ACYP2: variants seen among roughly 807,000 people sequenced by gnomAD.
The protein encoded by ACYP2 is acylphosphatase 2.
ACYP2 carries 12 observed loss-of-function variants against 11.2 expected under a neutral mutation model. The observed-to-expected ratio is 1.08, with a 90% CI of 0.69 to 1.74. The LOEUF (loss-of-function observed/expected upper bound fraction) is 1.74, where lower values mean the gene tolerates loss of function less well. Ranked by LOEUF, ACYP2 falls within the 40% of genes most tolerant of loss-of-function variation. The pLI, the probability that ACYP2 is intolerant of heterozygous loss-of-function variation, is 0.00. For synonymous variants in ACYP2, 43 were observed against 32.2 expected (o/e 1.33, Z -1.13); for missense variants, 134 against 101.9 (o/e 1.31, Z -1.35).
chr2:54,212,342 T>C (rs1685361538), intron 6 of ACYP2, among the ~76,000 whole-genome samples: 1 of 152,222 alleles, frequency 6.6e-6, no homozygotes, highest in African/African-American at 2.4e-5. Flanking sequence ...ATAGATTACA[T>C]ATCAAATTGC....
At chr2:54,250,331 G>A (rs534926569) in intron 6 of ACYP2, among the ~76,000 whole-genome samples, 16 of 152,246 alleles carry the variant, frequency 1.1e-4, no homozygotes, top group African/African-American at 3.9e-4. Flanking sequence ...ACTTTAGCTC[G>A]GCGTGGTGGC....
intron 6 of ACYP2, among the ~76,000 whole-genome samples, chr2:54,296,849 A>G (rs1190961671): frequency 2.6e-5 from 4 of 152,140 alleles, no homozygotes; most frequent in Non-Finnish European, 5.9e-5. Flanking sequence ...TACTAGATGA[A>G]CCTTCTTTTT....
chr2:54,047,514 C>A (rs1439056190), intron 2 of ACYP2, among the ~76,000 whole-genome samples: 1 of 152,150 alleles, frequency 6.6e-6, no homozygotes, highest in African/African-American at 2.4e-5. Flanking sequence ...AAAAATATCA[C>A]CAGACCCATT....
chr2:54,233,968 C>T (rs1282090502), intron 6 of ACYP2, among the ~76,000 whole-genome samples: 1 of 152,196 alleles, frequency 6.6e-6, no homozygotes, highest in Non-Finnish European at 1.5e-5. Flanking sequence ...TTAACCATGT[C>T]AGTGCAGTCT....
intron 4 of ACYP2, among the ~76,000 whole-genome samples, chr2:54,067,233 A>G (rs955824455): frequency 6.6e-6 from 1 of 152,222 alleles, no homozygotes; most frequent in East Asian, 1.9e-4. Flanking sequence ...GAGCAAGATC[A>G]CCAACAACAG....
chr2:54,063,930 T>C (rs1676603502), intron 4 of ACYP2, among the ~76,000 whole-genome samples: 1 of 152,102 alleles, frequency 6.6e-6, no homozygotes, highest in Non-Finnish European at 1.5e-5. Context: ...AGCTGGAGCG[T>C]AGAGAAGGAG....
intron 6 of ACYP2, among the ~76,000 whole-genome samples, chr2:54,183,792 A>G (rs568999229): frequency 7.2e-5 from 11 of 152,192 alleles, no homozygotes; most frequent in South Asian, 4.1e-4. Context: ...GAACATTTAA[A>G]CTTTAATCTA....
At chr2:54,056,997 T>C (rs1435411146) in intron 3 of ACYP2, among the ~76,000 whole-genome samples, 1 of 152,208 alleles carries the variant, frequency 6.6e-6, no homozygotes, top group Non-Finnish European at 1.5e-5. Flanking sequence ...ACCAAAACAT[T>C]AATTCCATTT....
chr2:53,978,574 C>T (rs866100407), intron 2 of ACYP2, among the ~76,000 whole-genome samples: 1 of 152,158 alleles, frequency 6.6e-6, no homozygotes, highest in Non-Finnish European at 1.5e-5. Flanking sequence ...GAACCTACTA[C>T]ACTTCCAGTT....
chr2:54,009,451 G>A (rs1573509042), intron 2 of ACYP2, among the ~76,000 whole-genome samples: 2 of 152,068 alleles, frequency 1.3e-5, no homozygotes, highest in South Asian at 2.1e-4. Context: ...GCACACACCT[G>A]TAATCCCAGC....
intron 2 of ACYP2, among the ~76,000 whole-genome samples, chr2:54,013,450 A>G (rs1673503617): frequency 6.6e-6 from 1 of 151,764 alleles, no homozygotes; most frequent in Non-Finnish European, 1.5e-5. Context: ...AGAGGCATGC[A>G]CTACCATGCC....
chr2:54,241,264 C>G (rs933066960), intron 6 of ACYP2, among the ~76,000 whole-genome samples: 2 of 152,214 alleles, frequency 1.3e-5, no homozygotes, highest in African/African-American at 4.8e-5. Flanking sequence ...TATATGCCAG[C>G]TGACCCTTAT....
chr2:54,218,793 T>C (rs868782168), intron 6 of ACYP2, among the ~76,000 whole-genome samples: 5 of 152,204 alleles, frequency 3.3e-5, no homozygotes, highest in Non-Finnish European at 5.9e-5. Context: ...CAGGCATCCA[T>C]ATTTATGTTG....
chr2:54,279,963 C>G (rs1688773108), intron 6 of ACYP2, among the ~76,000 whole-genome samples: 2 of 152,022 alleles, frequency 1.3e-5, no homozygotes, highest in East Asian at 1.9e-4. Context: ...TCTTCCATGC[C>G]CATTTTAAGA....
chr2:54,276,088 A>G (rs771806265), intron 6 of ACYP2, among the ~76,000 whole-genome samples: 7 of 152,062 alleles, frequency 4.6e-5, no homozygotes, highest in African/African-American at 7.2e-5. Flanking sequence ...TTATTACTGT[A>G]CCCCGATAAT....
intron 6 of ACYP2, among the ~76,000 whole-genome samples, chr2:54,176,496 C>G (rs191733139): frequency 1.6e-4 from 25 of 152,316 alleles, no homozygotes; most frequent in African/African-American, 5.8e-4. Flanking sequence ...CTATTTAAGT[C>G]TGTTGTAACA....
chr2:54,010,295 C>G (rs1673287261), intron 2 of ACYP2, among the ~76,000 whole-genome samples: 1 of 152,080 alleles, frequency 6.6e-6, no homozygotes, highest in African/African-American at 2.4e-5. Context: ...ACCATCCTGG[C>G]CAACATGGTG....
At chr2:53,982,676 A>C (rs991463576) in intron 2 of ACYP2, among the ~76,000 whole-genome samples, 17 of 152,094 alleles carry the variant, frequency 1.1e-4, no homozygotes, top group African/African-American at 4.1e-4. Context: ...CTCATCTCTA[A>C]CCTTTGACTC....
At chr2:54,251,273 T>TATC (rs562029746) in intron 6 of ACYP2, among the ~76,000 whole-genome samples, 52 of 152,216 alleles carry the variant, frequency 3.4e-4, no homozygotes, top group Non-Finnish European at 6.3e-4. Flanking sequence ...AATTTTCACA[T>TATC]ATCAATTCAT....
Sources: allele counts gnomAD v4.1 joint callset (sites outside exome capture counted in the v4.1 genomes callset), GRCh38; gene constraint gnomAD v4.1.1; transcripts MANE v1.5; gene names NCBI Gene and HGNC (gene_info 2026-07-23, HGNC 2026-07-21).